The following ITGA11 variants were observed in gnomAD, a reference collection of about 807,000 sequenced individuals.
The protein encoded by ITGA11 is integrin alpha-11.
ITGA11 carries 97 observed loss-of-function variants against 141.9 expected under a neutral mutation model. The ratio of observed to expected loss-of-function variants is 0.68; its 90% CI spans 0.58 to 0.81. The LOEUF (loss-of-function observed/expected upper bound fraction) is 0.81. Ranked by LOEUF, ITGA11 falls within the 30% of genes least tolerant of loss-of-function variation. ITGA11 has a pLI of 0.00. For missense variants in ITGA11, 1,387 were observed against 1,559.2 expected (o/e 0.89, Z 1.86); for synonymous variants, 658 against 624.6 (o/e 1.05, Z -0.80).
At chr15:68,312,682 G>T in intron 24 of ITGA11, 91 bp downstream of exon 24, 1 of 935,768 alleles carries the variant, frequency 1.1e-6, no homozygotes, top group Non-Finnish European at 1.6e-6. Context: ...TGGACTCCGG[G>T]CACTAGCGAT....
chr15:68,354,080 T>G (rs1175326228), intron 7 of ITGA11, among the ~76,000 whole-genome samples: 2 of 152,152 alleles, frequency 1.3e-5, no homozygotes, highest in Non-Finnish European at 2.9e-5. Flanking sequence ...CTGTGCATGC[T>G]GATTCTGTAC....
At chr15:68,338,532 T>C (rs7179347) in intron 11 of ITGA11, among the ~76,000 whole-genome samples, 131,648 of 152,126 alleles carry the variant, frequency 0.87, 57,054 homozygotes, top group South Asian at 0.92. Context: ...GGGATCTACA[T>C]TTCTGAATTT....
chr15:68,346,009 T>C (rs1894732725), intron 10 of ITGA11, among the ~76,000 whole-genome samples: 2 of 152,226 alleles, frequency 1.3e-5, no homozygotes, highest in Admixed American at 6.5e-5. Context: ...GAGTCTCAGA[T>C]TCAAATGCGA....
In ITGA11 at chr15:68,339,355, G is replaced by T. The variant is rs982471752; in HGVS notation, c.1276+145C>A. The T allele has an allele frequency of 4.1e-5, 36 of 876,274 alleles. No individual in the cohort carries two copies. In the South Asian group the frequency reaches 6.0e-4, roughly 15 times the overall value. 54.3% of individuals were successfully genotyped at this position (876,274 alleles called of 1,614,324 possible). On this transcript the variant is annotated intron_variant, in intron 11 of 29. Transcript: ENST00000315757. ...CCAGGGTGGAGAGGAAATGCCCCCGGGGATGCTCTTCAGAGTTGGGTGCTT... is the reference window on the plus strand; with the variant it reads ...CCAGGGTGGAGAGGAAATGCCCCCGTGGATGCTCTTCAGAGTTGGGTGCTT...
rs957910739 is a variant in ITGA11 at position 68,304,605 on chromosome 15, C to T, written c.3382-720G>A. Among the ~76,000 whole-genome samples, 3 of 152,178 alleles carry T rather than the reference C, an allele frequency of 2.0e-5. No homozygotes were observed. The highest frequency in any genetic ancestry group is 2.9e-5 in the Non-Finnish European group (2 of 68,040). The stretch of plus-strand genomic sequence containing the variant: ...ACGCCGACTGCTCTCACATTTCTGT[C>T]GTCCGCCTGGATTCTCCGCTGAATT... On this transcript the variant is annotated intron_variant, in intron 28 of 29. Transcript: ENST00000315757. The surrounding 1 kb of genome is among the most constrained non-coding windows in gnomAD (Gnocchi z 6.1).
chr15:68,327,043 A>C (rs1052046599), intron 16 of ITGA11, among the ~76,000 whole-genome samples: 1 of 152,162 alleles, frequency 6.6e-6, no homozygotes, highest in Non-Finnish European at 1.5e-5. Flanking sequence ...GTGGAGGGAA[A>C]GTGAACACCG....
chr15:68,319,482 C>A (rs1397821195), intron 20 of ITGA11, among the ~76,000 whole-genome samples: 1 of 152,208 alleles, frequency 6.6e-6, no homozygotes, highest in Non-Finnish European at 1.5e-5. Context: ...GTGCTGGGAA[C>A]AAGGTGGCCC....
At chr15:68,357,349 T>G in intron 6 of ITGA11, 50 bp from the exon 7 acceptor site, 1 of 1,577,774 alleles carries the variant, frequency 6.3e-7, no homozygotes, top group South Asian at 1.2e-5. Flanking sequence ...CATGAACCCA[T>G]GAACCTTAGA....
Position 68,335,936 on chromosome 15 carries a change from G to A in ITGA11, c.1277-91C>T. ...GCATGGCTTGGCAGTGCCAGAGGATGGGCCAGTGATGGGGTAGGTTCAGGG... is the reference window on the plus strand; with the variant it reads ...GCATGGCTTGGCAGTGCCAGAGGATAGGCCAGTGATGGGGTAGGTTCAGGG... On this transcript the variant is annotated intron_variant, in intron 11 of 29. Transcript: ENST00000315757. This position sits in a 1 kb window ranked among gnomAD's most constrained non-coding sequence, Gnocchi z 4.9. 1.4e-6 allele frequency: 2 copies of A among 1,452,914 alleles called. No homozygotes were observed. Among genetic ancestry groups the A allele is most frequent in the Non-Finnish European group, 9.4e-7 (1 of 1,067,798 alleles). The allele number at this position is 1,452,914 out of a possible 1,614,324, so 90.0% of individuals were successfully genotyped here.
chr15:68,363,749 C>T (rs1895326574), intron 4 of ITGA11, among the ~76,000 whole-genome samples: 1 of 152,118 alleles, frequency 6.6e-6, no homozygotes. Flanking sequence ...CTGTTTGAAC[C>T]CCAAGCATCG....
chr15:68,353,273 C>T (rs141855331), intron 7 of ITGA11, among the ~76,000 whole-genome samples: 12 of 152,306 alleles, frequency 7.9e-5, no homozygotes, highest in African/African-American at 1.9e-4. Context: ...AGCAATTCTC[C>T]GATATGCTGG....
intron 18 of ITGA11, among the ~76,000 whole-genome samples, chr15:68,323,146 C>G (rs1893863875): frequency 6.6e-6 from 1 of 152,212 alleles, no homozygotes; most frequent in African/African-American, 2.4e-5. Flanking sequence ...ATTGATCTAC[C>G]CATCTCGCCC....
chr15:68,385,396 C>T (rs770157208), intron 2 of ITGA11, among the ~76,000 whole-genome samples: 1 of 152,188 alleles, frequency 6.6e-6, no homozygotes, highest in Non-Finnish European at 1.5e-5. Flanking sequence ...AGTGGCAGTG[C>T]CAGAGGGCAA....
intron 2 of ITGA11, among the ~76,000 whole-genome samples, chr15:68,394,647 T>C (rs1314468114): frequency 1.3e-5 from 2 of 152,168 alleles, no homozygotes; most frequent in Admixed American, 6.5e-5. Flanking sequence ...AAGCCCATAG[T>C]TGATCCTAGA....
chr15:68,327,084 C>G (rs1484224683), intron 16 of ITGA11, among the ~76,000 whole-genome samples: 2 of 151,722 alleles, frequency 1.3e-5, no homozygotes, highest in African/African-American at 4.8e-5. Context: ...GATGTGGGGC[C>G]AGGGTGGTGT....
In ITGA11 at chr15:68,361,623, T is replaced by C. The variant is rs1895246039; in HGVS notation, c.439A>G (p.Arg147Gly). The C allele has an allele frequency of 1.2e-6, 2 of 1,609,704 alleles. No homozygotes were observed. The highest frequency in any genetic ancestry group is 1.3e-5 in the African/African-American group (1 of 74,880). Residue 147 changes from arginine to glycine, a missense_variant, in exon 5 of 30, where the codon AGG (arginine) becomes GGG (glycine). Transcript: ENST00000315757. The stretch of plus-strand genomic sequence containing the variant: ...GCTGGGGCCACGGTCTTGGAGAACC[T>C]GAAGTTGGAGTTGACTCTTGAACAC... ...GMCSRVNSNF[R>G]FSKTVAPALQ...
intron 20 of ITGA11, 82 bp from the exon 21 acceptor site, chr15:68,317,445 C>T (rs1482670698): frequency 1.0e-6 from 1 of 952,834 alleles, no homozygotes; most frequent in Non-Finnish European, 1.7e-6. Context: ...CCCCAGCCTG[C>T]ACCCCACTCT....
chr15:68,313,203 C>T (rs952887775), intron 23 of ITGA11, among the ~76,000 whole-genome samples: 2 of 151,956 alleles, frequency 1.3e-5, no homozygotes, highest in African/African-American at 4.8e-5. Context: ...GGATGGCTGG[C>T]GTGGGAGGGC....
rs1199110114 is a variant in ITGA11 at position 68,332,033 on chromosome 15, C to G, written c.1596G>C (p.Lys532Asn). 1 of 1,608,526 alleles carries G rather than the reference C, an allele frequency of 6.2e-7. No homozygotes were observed. ...QNLFVYNGTL[K>N]DSHSYQNARF... ...GGGCATTCTGGTAACTGTGTGAATCCTTTAGCGTTCCGTTATAAACAAACA... is the reference window on the plus strand; with the variant it reads ...GGGCATTCTGGTAACTGTGTGAATCGTTTAGCGTTCCGTTATAAACAAACA... Residue 532 changes from lysine to asparagine, a missense_variant, in exon 14 of 30, where the codon AAG becomes AAC. Transcript: ENST00000315757.
Sources: gnomAD v4.1 joint callset for allele counts (sites outside exome capture counted in the v4.1 genomes callset) on GRCh38, gnomAD v4.1.1 for gene constraint, Gnocchi (gnomAD v3.1) non-coding constraint, MANE v1.5 for transcripts, NCBI Gene and HGNC (gene_info 2026-07-23, HGNC 2026-07-21) for gene names.